Variants in ADAM7 observed in about 807,000 individuals in gnomAD.
ADAM7 encodes ADAM metallopeptidase domain 7.
A neutral mutation model predicts 102.9 loss-of-function variants in ADAM7; 97 were observed. The ratio of observed to expected loss-of-function variants is 0.94; its 90% CI spans 0.80 to 1.12. ADAM7 has a LOEUF of 1.12. ADAM7 is among the 50% of genes most tolerant of loss of function. The pLI is 0.00. For synonymous variants in ADAM7, 334 were observed against 304.4 expected (o/e 1.10, Z -1.01); for missense variants, 991 against 908.7 (o/e 1.09, Z -1.16).
At chr8:24,506,156 G>A (rs1366582237) in intron 20 of ADAM7, 1 of 1,548,350 alleles carries the variant, frequency 6.5e-7, no homozygotes, top group South Asian at 1.2e-5. Flanking sequence ...ACATCACACT[G>A]GTACGTTCCC....
At chr8:24,475,434 C>A (rs1451665232) in intron 7 of ADAM7, among the ~76,000 whole-genome samples, 1 of 152,076 alleles carries the variant, frequency 6.6e-6, no homozygotes, top group Non-Finnish European at 1.5e-5. Flanking sequence ...GAAGAAATTT[C>A]TTGAAACAGA....
intron 12 of ADAM7, chr8:24,490,447 C>A (rs887213574): frequency 5.9e-6 from 1 of 169,208 alleles, no homozygotes; most frequent in African/African-American, 2.4e-5. Context: ...AAGGTAAAAT[C>A]AGATCTTCAG....
intron 3 of ADAM7, among the ~76,000 whole-genome samples, chr8:24,461,681 CT>C (rs748550894): frequency 6.6e-6 from 1 of 151,738 alleles, no homozygotes; most frequent in Non-Finnish European, 1.5e-5. Flanking sequence ...CTCTGAAGCT[CT>C]TTTTTTTCTG....
At chr8:24,443,119 G>A (rs1249575556) in intron 2 of ADAM7, among the ~76,000 whole-genome samples, 5 of 152,122 alleles carry the variant, frequency 3.3e-5, no homozygotes, top group Non-Finnish European at 7.4e-5. Context: ...AAATTAAGAT[G>A]TTTTCAATTT....
chr8:24,458,300 G>A (rs892976528), intron 3 of ADAM7, among the ~76,000 whole-genome samples: 2 of 152,110 alleles, frequency 1.3e-5, no homozygotes, highest in Admixed American at 1.3e-4. Context: ...CAGCAGTGTT[G>A]AGTATTCACG....
At chr8:24,496,166 G>A (rs538907502) in intron 16 of ADAM7, among the ~76,000 whole-genome samples, 1 of 152,320 alleles carries the variant, frequency 6.6e-6, no homozygotes, top group East Asian at 1.9e-4. Context: ...TGCTTCAGAG[G>A]GTGGAAGCCC....
In ADAM7 at chr8:24,492,513, A is replaced by AT; in HGVS notation, c.1572dup (p.Ile525TyrfsTer11). On this transcript the variant is annotated frameshift_variant, in exon 15 of 22. Transcript: ENST00000175238. LOFTEE classifies it high-confidence loss of function. Reference sequence around the variant, plus strand: ...ACCCCAGAGGCAATAGAGAGTCATGATATCTGCTACAAGATGAATACAAAA... The same window carrying AT: ...ACCCCAGAGGCAATAGAGAGTCATGATTATCTGCTACAAGATGAATACAAAA... The AT allele has an allele frequency of 6.2e-7, 1 of 1,610,834 alleles. No individual in the cohort carries two copies. Among genetic ancestry groups the AT allele is most frequent in the Non-Finnish European group, 8.5e-7 (1 of 1,178,274 alleles).
At chr8:24,477,478 C>T (rs1441750482) in intron 8 of ADAM7, among the ~76,000 whole-genome samples, 3 of 151,838 alleles carry the variant, frequency 2.0e-5, no homozygotes, top group African/African-American at 7.3e-5. Flanking sequence ...TACAACCTAA[C>T]ACTACTTTAT....
rs967958432 is a variant in ADAM7, at chr8:24,451,983, G to C, written c.233+4721G>C. On this transcript the variant is annotated intron_variant, in intron 3 of 21. Transcript: ENST00000175238. ...TTTTGAGTGAGTTTCTTAATCCTGA[G>C]TTCTAGTTTGATTGCACTGTGGTCT... is the stretch of plus-strand genomic sequence containing the variant. 3.7e-4 allele frequency among the ~76,000 whole-genome samples: 56 copies of C among 152,260 alleles called. No homozygotes were observed. In the South Asian group the frequency reaches 9.3e-3, roughly 25 times the overall value.
intron 3 of ADAM7, among the ~76,000 whole-genome samples, chr8:24,452,089 A>G (rs1219158399): frequency 6.6e-6 from 1 of 151,912 alleles, no homozygotes; most frequent in African/African-American, 2.4e-5. Flanking sequence ...CAATTTTGGA[A>G]TAGGTGTGGT....
chr8:24,507,430 C>A, intron 20 of ADAM7, 50 bp from the exon 21 acceptor site: 1 of 1,461,634 alleles, frequency 6.8e-7, no homozygotes, highest in South Asian at 1.1e-5. Context: ...GATGCCCATG[C>A]GTGTAACATC....
At chr8:24,445,753 T>G (rs1818534851) in intron 2 of ADAM7, among the ~76,000 whole-genome samples, 2 of 152,198 alleles carry the variant, frequency 1.3e-5, no homozygotes, top group Admixed American at 6.5e-5. Flanking sequence ...ATCTTTGACT[T>G]ACTAGGTTGA....
At chr8:24,490,133 T>G (rs17052044) in intron 12 of ADAM7, among the ~76,000 whole-genome samples, 3,420 of 152,258 alleles carry the variant, frequency 0.022, 64 homozygotes, top group African/African-American at 0.04. Flanking sequence ...GGACAGCAGT[T>G]AGAGACTCCA....
chr8:24,454,145 C>T (rs965750151), intron 3 of ADAM7, among the ~76,000 whole-genome samples: 11 of 152,230 alleles, frequency 7.2e-5, no homozygotes, highest in African/African-American at 1.2e-4. Context: ...TCTCAGATCT[C>T]CAGCTGCATG....
chr8:24,476,541 T>C lies in ADAM7; in HGVS notation c.705+37T>C, dbSNP rs1317401523. ...TACAGTTTTTGAATCAAGCCAATAA[T>C]ACGAATGCAAAGAACCTTTCAGCGC... On this transcript the variant is annotated intron_variant, in intron 8 of 21. Transcript: ENST00000175238. The C allele has an allele frequency of 4.6e-6, 7 of 1,519,106 alleles. No homozygotes were observed. The East Asian group carries it at 1.1e-4, about 24-fold the overall frequency. 94.1% of individuals were successfully genotyped at this position (1,519,106 alleles called of 1,614,324 possible). A position where few individuals can be genotyped will look rare whatever the true frequency, so the allele number is the denominator to read the frequency against.
chr8:24,473,494 A>G (rs994163430), intron 7 of ADAM7, among the ~76,000 whole-genome samples: 33 of 152,194 alleles, frequency 2.2e-4, no homozygotes, highest in Admixed American at 2.0e-3. Context: ...GCAATGTGCA[A>G]GAACTTTTCA....
intron 3 of ADAM7, among the ~76,000 whole-genome samples, chr8:24,453,336 G>A (rs1357212905): frequency 6.6e-6 from 1 of 152,078 alleles, no homozygotes; most frequent in African/African-American, 2.4e-5. Flanking sequence ...ATTTCTTGGA[G>A]GCTTTGCTCA....
intron 20 of ADAM7, among the ~76,000 whole-genome samples, chr8:24,504,099 G>A (rs1482579097): frequency 6.6e-6 from 1 of 151,850 alleles, no homozygotes; most frequent in Non-Finnish European, 1.5e-5. Context: ...CAGGCACAGT[G>A]GCTCACAGCT....
chr8:24,469,595 A>G (rs1280113893), intron 7 of ADAM7, among the ~76,000 whole-genome samples: 5 of 152,104 alleles, frequency 3.3e-5, no homozygotes, highest in Non-Finnish European at 7.4e-5. Flanking sequence ...AAAATGAACC[A>G]CATGAGGAAG....
Sources: gnomAD v4.1 joint callset for allele counts (sites outside exome capture counted in the v4.1 genomes callset) on GRCh38, gnomAD v4.1.1 for gene constraint, MANE v1.5 for transcripts, NCBI Gene and HGNC (gene_info 2026-07-23, HGNC 2026-07-21) for gene names.